Variants in USP30 observed in about 807,000 individuals in gnomAD.
USP30 encodes ubiquitin specific peptidase 30, also known as ubiquitin carboxyl-terminal hydrolase 30.
A neutral mutation model predicts 68.2 loss-of-function variants in USP30; 41 were observed. The ratio of observed to expected loss-of-function variants is 0.60; its 90% confidence interval spans 0.47 to 0.78. The LOEUF (loss-of-function observed/expected upper bound fraction) is 0.78, where lower values mean the gene tolerates loss of function less well. Among genes scored for constraint, USP30 ranks in the 30% least tolerant of loss-of-function variants. USP30 has a pLI of 0.00. For synonymous variants in USP30, 229 were observed against 253.7 expected, an observed-to-expected ratio of 0.90 and a Z score of 0.93; for missense variants, 522 against 649.4, an observed-to-expected ratio of 0.80 and a Z score of 2.13.
At chr12:109,053,508 A>G (rs2040739064) in intron 1 of USP30, among the ~76,000 whole-genome samples, 2 of 151,970 alleles carry the variant, frequency 1.3e-5, no homozygotes, top group African/African-American at 4.8e-5. Context: ...AGGCTTCAGA[A>G]CTGAGTACCC....
chr12:109,042,832 G>A (rs992348043), intron 3 of USP30, among the ~76,000 whole-genome samples: 1 of 152,140 alleles, frequency 6.6e-6, no homozygotes, highest in African/African-American at 2.4e-5. Context: ...CAGATGATAT[G>A]ATTTCATATG....
chr12:109,045,049 C>T (rs2040593085), intron 3 of USP30, among the ~76,000 whole-genome samples: 1 of 139,136 alleles, frequency 7.2e-6, no homozygotes, highest in Non-Finnish European at 1.5e-5. Flanking sequence ...GCAATCTCTG[C>T]TCACTGCAAC....
intron 8 of USP30, 92 bp from the exon 9 acceptor site, chr12:109,081,841 A>T: frequency 1.5e-6 from 2 of 1,298,502 alleles, no homozygotes; most frequent in Non-Finnish European, 2.2e-6. Context: ...CATACATCAA[A>T]ATAAAGCTCT....
intron 9 of USP30, 32 bp downstream of exon 9, chr12:109,082,051 C>G (rs1393113421): frequency 3.1e-6 from 5 of 1,610,154 alleles, no homozygotes; most frequent in Middle Eastern, 1.7e-4. Flanking sequence ...TCATCGCCAG[C>G]TGGCCTGTGT....
intron 7 of USP30, among the ~76,000 whole-genome samples, chr12:109,080,182 A>G (rs772665984): frequency 6.6e-6 from 1 of 152,112 alleles, no homozygotes; most frequent in Non-Finnish European, 1.5e-5. Flanking sequence ...TTTGGGGCTC[A>G]TCCCCTCTGT....
At chr12:109,073,338 TTA>T in intron 6 of USP30, 98 bp from the exon 7 acceptor site, 1 of 774,450 alleles carries the variant, frequency 1.3e-6, no homozygotes, top group East Asian at 2.6e-5. Context: ...ATATTTTTTC[TTA>T]AGAGGTAGTT....
chr12:109,076,488 CATCTTTG>C (rs1189930267), intron 7 of USP30, among the ~76,000 whole-genome samples: 4 of 151,270 alleles, frequency 2.6e-5, no homozygotes, highest in South Asian at 2.1e-4. Context: ...TGATGGCAGA[CATCTTTG>C]CTTTGTTTCA....
rs1033801168 is a variant in USP30, at chr12:109,087,183, G to T, written c.*1252G>T. ...CCAAAGGAATTTTGATGACACAGTA[G>T]TACCTATGTTTTAAGCTATATTTTT... is the stretch of plus-strand genomic sequence containing the variant. On this transcript the variant is annotated 3_prime_UTR_variant, in exon 13 of 13. Transcript: ENST00000257548. The T allele has an allele frequency of 6.6e-6, 1 of 152,082 alleles. No individual in the cohort carries two copies. The highest frequency in any genetic ancestry group is 2.4e-5 in the African/African-American group (1 of 41,400). 9.4% of individuals were successfully genotyped at this position (152,082 alleles called of 1,614,324 possible).
At chr12:109,083,100 C>CGGCG in intron 11 of USP30, 38 bp downstream of exon 11, 1 of 1,554,454 alleles carries the variant, frequency 6.4e-7, no homozygotes, top group South Asian at 1.2e-5. Context: ...CAGGAATTTT[C>CGGCG]AGCACAGAGA....
At position 109,025,876 on chromosome 12, in the gene USP30, T is replaced by C. The variant is rs140636378; in HGVS notation, c.-228+804T>C. On this transcript the variant is annotated intron_variant, in intron 2 of 15. Coordinates refer to the USP30 transcript ENST00000392784. ...CTAATTTTTGTATTTTTTGTAGAGA[T>C]GGAGTTTTGCTTCATTGCCCAGGCC... is the stretch of plus-strand genomic sequence containing the variant. 8.7e-4 allele frequency among the ~76,000 whole-genome samples: 132 copies of C among 151,728 alleles called. 1 individual carries two copies. Among genetic ancestry groups the C allele is most frequent in the African/African-American group, 3.1e-3 (128 of 41,366 alleles).
Position 109,086,037 on chromosome 12 carries a change from G to A in USP30, c.*106G>A. The A allele has an allele frequency of 9.0e-6, 13 of 1,451,350 alleles. No homozygotes were observed. The South Asian group carries it at 1.8e-4, about 20-fold the overall frequency. The allele number at this position is 1,451,350 out of a possible 1,614,324, so 89.9% of individuals were successfully genotyped here. ...CAAGCGGCCCCACTAGAGCCTTCCA[G>A]CCTTCTGGTGTGTTCTAAGAGCAGG... On this transcript the variant is annotated 3_prime_UTR_variant, in exon 13 of 13. Coordinates refer to ENST00000257548, the MANE Select transcript of USP30 (RefSeq NM_032663.5).
intron 3 of USP30, among the ~76,000 whole-genome samples, chr12:109,047,024 A>G (rs1208786029): frequency 6.6e-6 from 1 of 152,144 alleles, no homozygotes; most frequent in East Asian, 1.9e-4. Flanking sequence ...CCAGACCTCA[A>G]ACCAAAGATT....
chr12:109,055,398 A>ATTT (rs1414168662), intron 1 of USP30, among the ~76,000 whole-genome samples: 4 of 30,356 alleles, frequency 1.3e-4, no homozygotes, highest in East Asian at 7.4e-3. Flanking sequence ...ATATATATAT[A>ATTT]TATTTTTTTT....
chr12:109,023,924 C>T (rs1277408129), intron 1 of USP30, among the ~76,000 whole-genome samples: 1 of 151,846 alleles, frequency 6.6e-6, no homozygotes, highest in Non-Finnish European at 1.5e-5. Context: ...TGATCACCAC[C>T]GCGACTGGCC....
chr12:109,067,280 AT>A (rs35837643), intron 3 of USP30, among the ~76,000 whole-genome samples: 75,365 of 147,790 alleles, frequency 0.51, 21,139 homozygotes, highest in East Asian at 0.82. Flanking sequence ...CGCCCGGCTA[AT>A]TTTTTTTTTT....
chr12:109,080,831 C>T, intron 7 of USP30, among the ~76,000 whole-genome samples: 1 of 152,180 alleles, frequency 6.6e-6, no homozygotes, highest in South Asian at 2.1e-4. Context: ...AGTACGGTAA[C>T]ATGTTATACA....
intron 2 of USP30, among the ~76,000 whole-genome samples, chr12:109,026,738 G>C (rs976208319): frequency 2.0e-5 from 3 of 152,030 alleles, no homozygotes; most frequent in Non-Finnish European, 4.4e-5. Context: ...AAAGTGTTGA[G>C]ATTACAGGTG....
rs1470448048 is a variant in USP30 at position 109,080,033 on chromosome 12, C to G, written c.721-1301C>G. Among the ~76,000 whole-genome samples the G allele has an allele frequency of 2.0e-5, 3 of 152,180 alleles. 1 individual carries two copies. The highest frequency in any genetic ancestry group is 4.8e-5 in the African/African-American group (2 of 41,432). ...CTGGGCTCAAACTCAACTCTGTCTC[C>G]CCTACATTGGGCAGCAAAATCTCTG... On this transcript the variant is annotated intron_variant, in intron 7 of 12. Coordinates refer to ENST00000257548, the MANE Select transcript of USP30 (RefSeq NM_032663.5).
chr12:109,046,582 GC>G (rs1383111090), intron 3 of USP30, among the ~76,000 whole-genome samples: 1 of 152,096 alleles, frequency 6.6e-6, no homozygotes, highest in African/African-American at 2.4e-5. Flanking sequence ...CAACTATCTG[GC>G]CACTTTGGCC....
Sources: allele counts gnomAD v4.1 joint callset (sites outside exome capture counted in the v4.1 genomes callset), GRCh38; gene constraint gnomAD v4.1.1; transcripts MANE v1.5; gene names NCBI Gene and HGNC (gene_info 2026-07-23, HGNC 2026-07-21).